The following MTMR2 variants were observed in gnomAD, a reference collection of about 807,000 sequenced individuals.
MTMR2 encodes the protein myotubularin related protein 2, also known as phosphatidylinositol-3,5-bisphosphate 3-phosphatase MTMR2.
MTMR2 carries 55 observed loss-of-function variants against 86.9 expected under a neutral mutation model. The observed-to-expected ratio is 0.63, with a 90% CI of 0.51 to 0.79. The LOEUF is 0.79. Among genes scored for constraint, MTMR2 ranks in the 30% least tolerant of loss-of-function variants. MTMR2 has a pLI of 0.00. For synonymous variants in MTMR2, 241 were observed against 266.8 expected (o/e 0.90, Z 0.94); for missense variants, 659 against 772.3 (o/e 0.85, Z 1.74).
intron 10 of MTMR2, 88 bp from the exon 11 acceptor site, chr11:95,845,247 A>G: frequency 9.2e-7 from 1 of 1,083,002 alleles, no homozygotes; most frequent in Non-Finnish European, 1.4e-6. Flanking sequence ...ATCAGGGATC[A>G]TTATTTCAAT....
intron 1 of MTMR2, among the ~76,000 whole-genome samples, chr11:95,921,169 C>T (rs1866907167): frequency 6.6e-6 from 1 of 152,196 alleles, no homozygotes; most frequent in African/African-American, 2.4e-5. Context: ...AAGGAGCATA[C>T]ATAATTTTTT....
At chr11:95,906,562 A>C (rs1866283825) in intron 1 of MTMR2, among the ~76,000 whole-genome samples, 1 of 152,208 alleles carries the variant, frequency 6.6e-6, no homozygotes. Flanking sequence ...ATTCATCTAC[A>C]GAACTCTCCA....
At chr11:95,854,719 G>A (rs1411851661) in intron 7 of MTMR2, among the ~76,000 whole-genome samples, 1 of 152,010 alleles carries the variant, frequency 6.6e-6, no homozygotes, top group African/African-American at 2.4e-5. Context: ...TCCCACCTTG[G>A]CTTCTCAAAG....
intron 12 of MTMR2, 101 bp from the exon 13 acceptor site, chr11:95,838,308 T>TA: frequency 2.8e-6 from 2 of 726,680 alleles, no homozygotes; most frequent in Non-Finnish European, 5.0e-6. Context: ...AAAATGAAGT[T>TA]AAACATTCAA....
At position 95,834,840 on chromosome 11, in the gene MTMR2, T is replaced by G. The variant is rs1863184544; in HGVS notation, c.*450A>C. The G allele has an allele frequency of 5.8e-6, 1 of 173,300 alleles. No homozygotes were observed. The highest frequency in any genetic ancestry group is 2.4e-5 in the African/African-American group (1 of 41,876). 10.7% of individuals were successfully genotyped at this position (173,300 alleles called of 1,614,324 possible). A position where few individuals can be genotyped will look rare whatever the true frequency, so the allele number is the denominator to read the frequency against. On this transcript the variant is annotated 3_prime_UTR_variant, in exon 15 of 15. Transcript: ENST00000346299. ...AAAACCTAGAATGGAGAAAGGGATA[T>G]CAAATGATTTTGATCTGTCATGACA...
chr11:95,840,128 C>T (rs1454885499), intron 12 of MTMR2: 1 of 152,136 alleles, frequency 6.6e-6, no homozygotes, highest in Non-Finnish European at 1.5e-5. Flanking sequence ...TATAGATTAT[C>T]GTGTACTCTT....
intron 3 of MTMR2, among the ~76,000 whole-genome samples, chr11:95,864,679 G>GA (rs1864543743): frequency 6.6e-6 from 1 of 151,994 alleles, no homozygotes; most frequent in Non-Finnish European, 1.5e-5. Context: ...CTGGGGAAAA[G>GA]AAAAAGACTG....
At chr11:95,909,842 G>A (rs543842626) in intron 1 of MTMR2, among the ~76,000 whole-genome samples, 42 of 152,180 alleles carry the variant, frequency 2.8e-4, no homozygotes, top group African/African-American at 9.2e-4. Context: ...CTGGTAGAAA[G>A]TGTTCAACAA....
chr11:95,924,079 C>A lies in MTMR2; in HGVS notation c.-125G>T. 1 of 1,269,870 alleles carries A rather than the reference C, an allele frequency of 7.9e-7. No homozygotes were observed. Among genetic ancestry groups the A allele is most frequent in the Non-Finnish European group, 1.1e-6 (1 of 897,128 alleles). 78.7% of individuals were successfully genotyped at this position (1,269,870 alleles called of 1,614,324 possible). A position where few individuals can be genotyped will look rare whatever the true frequency, so the allele number is the denominator to read the frequency against. ...GGCCAGCGCCGGCCCGGGAGGGAGA[C>A]CGGAAGCGGCCATGTTCCCCCAGAG... is the stretch of plus-strand genomic sequence containing the variant. On this transcript the variant is annotated 5_prime_UTR_variant, in exon 1 of 15. Transcript: ENST00000346299.
intron 1 of MTMR2, 34 bp downstream of exon 1, chr11:95,923,841 G>T: frequency 6.5e-7 from 1 of 1,549,310 alleles, no homozygotes; most frequent in South Asian, 1.2e-5. Flanking sequence ...CATCCCCTTC[G>T]GACGCTGGGC....
chr11:95,880,606 T>C (rs1865290056), intron 2 of MTMR2, among the ~76,000 whole-genome samples: 2 of 152,102 alleles, frequency 1.3e-5, no homozygotes, highest in Non-Finnish European at 2.9e-5. Flanking sequence ...GACTTGTTAA[T>C]TGTTTTGATC....
At chr11:95,922,252 A>G (rs1347742961) in intron 1 of MTMR2, among the ~76,000 whole-genome samples, 1 of 152,332 alleles carries the variant, frequency 6.6e-6, no homozygotes. Context: ...CCTAACTTCC[A>G]GTACTTCCTT....
chr11:95,912,702 G>T (rs931963624), intron 1 of MTMR2, among the ~76,000 whole-genome samples: 2 of 151,676 alleles, frequency 1.3e-5, no homozygotes, highest in Non-Finnish European at 2.9e-5. Context: ...GTCCCTCAGA[G>T]ATCTTGTGAA....
chr11:95,912,394 A>C (rs1164247090), intron 1 of MTMR2, among the ~76,000 whole-genome samples: 1 of 151,824 alleles, frequency 6.6e-6, no homozygotes, highest in Non-Finnish European at 1.5e-5. Context: ...AATGAAAAGA[A>C]AATTTATAAT....
Position 95,845,033 on chromosome 11 carries a change from C to T in MTMR2, c.1306G>A (p.Asp436Asn). The T allele has an allele frequency of 6.2e-7, 1 of 1,613,988 alleles. No individual in the cohort carries two copies. The highest frequency in any genetic ancestry group is 1.1e-5 in the South Asian group (1 of 91,084). ...CCTCGGATGGTTCGATAGTATCCAT[C>T]CAACATGAGCATGGCAAGGGAAGTG... ...QLTSLAMLMLDGYYRTIRGFE... is the reference protein window; with the variant it reads ...QLTSLAMLMLNGYYRTIRGFE... Residue 436 changes from aspartate (D) to asparagine (N), a missense_variant, in exon 11 of 15, where the codon GAT (aspartate) becomes AAT (asparagine). Transcript: ENST00000346299.
intron 2 of MTMR2, among the ~76,000 whole-genome samples, chr11:95,870,990 G>C (rs1302811163): frequency 6.6e-6 from 1 of 151,372 alleles, no homozygotes; most frequent in East Asian, 1.9e-4. Context: ...TGCGGTGTTT[G>C]GTGTTTTGTC....
chr11:95,892,212 C>T (rs1865738388), intron 1 of MTMR2, among the ~76,000 whole-genome samples: 1 of 152,064 alleles, frequency 6.6e-6, no homozygotes, highest in African/African-American at 2.4e-5. Context: ...CTCTGTATTT[C>T]CCAAAATTCA....
intron 11 of MTMR2, 42 bp downstream of exon 11, chr11:95,844,911 T>G: frequency 6.7e-7 from 1 of 1,492,532 alleles, no homozygotes; most frequent in Non-Finnish European, 9.3e-7. Context: ...TGCCTTGGCA[T>G]GAATGCATGT....
chr11:95,846,192 C>T (rs111563294), intron 10 of MTMR2, among the ~76,000 whole-genome samples: 5,345 of 152,144 alleles, frequency 0.035, 144 homozygotes, highest in South Asian at 0.091. Context: ...AGTGCATATA[C>T]GAAGTTAAGA....
Sources: allele counts gnomAD v4.1 joint callset (sites outside exome capture counted in the v4.1 genomes callset), GRCh38; gene constraint gnomAD v4.1.1; transcripts MANE v1.5; gene names NCBI Gene and HGNC (gene_info 2026-07-23, HGNC 2026-07-21).